ARHGAP23: variants seen among roughly 807,000 people sequenced by gnomAD.
The protein encoded by ARHGAP23 is Rho GTPase activating protein 23, also known as rho GTPase-activating protein 23.
A neutral mutation model predicts 136.3 loss-of-function variants in ARHGAP23; 34 were observed. The observed-to-expected ratio is 0.25, with a 90% CI of 0.19 to 0.33. ARHGAP23 has a LOEUF of 0.33. ARHGAP23 is among the 10% of genes least tolerant of loss of function. The probability of loss-of-function intolerance (pLI) is 1.00; values close to 1 mark genes in which losing one functional copy is unlikely to be tolerated. For synonymous variants in ARHGAP23, 832 were observed against 920.5 expected (o/e 0.90, Z 1.74); for missense variants, 1,808 against 2,139.0 (o/e 0.85, Z 3.05).
At chr17:38,486,232 CTTTTTT>C in intron 17 of ARHGAP23, 92 bp downstream of exon 17, 2 of 797,980 alleles carry the variant, frequency 2.5e-6, no homozygotes, top group East Asian at 3.1e-5. Flanking sequence ...TGGTTTTACT[CTTTTTT>C]TTTTTTTTTG....
Position 38,510,751 on chromosome 17 carries a change from T to C in ARHGAP23, c.4255T>C (p.Phe1419Leu). The C allele has an allele frequency of 1.3e-6, 2 of 1,484,678 alleles. No homozygotes were observed. Among genetic ancestry groups the C allele is most frequent in the Non-Finnish European group, 1.8e-6 (2 of 1,120,258 alleles). The allele number at this position is 1,484,678 out of a possible 1,614,324, so 92.0% of individuals were successfully genotyped here. Residue 1419 changes from phenylalanine to leucine, a missense_variant, in exon 24 of 24, where the codon TTC (phenylalanine) becomes CTC (leucine). Phe to Leu is a conservative substitution (Grantham distance 22, BLOSUM62 0). This residue lies in a region of ARHGAP23 where 506 missense variants were observed against 455.8 expected (regional missense o/e 1.11). Transcript: ENST00000622683. The surrounding 1 kb of genome is among the most constrained non-coding windows in gnomAD (Gnocchi z 4.6). ...GCAGAGCCCGCTGACTGACCTCAAC[T>C]TCAACGAGTGGAAGGAGCTGGGCGG... Reference protein sequence around the residue: ...VVQSPLTDLNFNEWKELGGGG... With the variant: ...VVQSPLTDLNLNEWKELGGGG...
intron 1 of ARHGAP23, among the ~76,000 whole-genome samples, chr17:38,420,906 C>T (rs955254040): frequency 6.6e-6 from 1 of 152,066 alleles, no homozygotes. Context: ...TTTTACGTTA[C>T]GTGAATTTCA....
intron 18 of ARHGAP23, 138 bp downstream of exon 18, chr17:38,490,313 C>T (rs2040247662): frequency 2.6e-6 from 3 of 1,132,660 alleles, no homozygotes; most frequent in Admixed American, 2.0e-5. Context: ...GCCTCAGTTT[C>T]CCCGTCCATA....
chr17:38,469,011 A>G (rs1442673060), intron 7 of ARHGAP23, 133 bp from the exon 8 acceptor site: 8 of 913,910 alleles, frequency 8.8e-6, no homozygotes, highest in Non-Finnish European at 1.1e-5. Flanking sequence ...GACAGTGGGC[A>G]TGTTGCCAGC....
At position 38,473,410 on chromosome 17, in the gene ARHGAP23, T is replaced by G. The variant is rs866301541; in HGVS notation, c.2118+1404T>G. Among the ~76,000 whole-genome samples the G allele has an allele frequency of 6.6e-5, 10 of 152,296 alleles. No individual in the cohort carries two copies. In the Middle Eastern group the frequency reaches 0.01, roughly 155 times the overall value. Reference sequence around the variant, plus strand: ...CCCACTTACCTTCCCTGAGCCTCACTTTCTGATCTGTACGATGGGAACAAT... The same window carrying G: ...CCCACTTACCTTCCCTGAGCCTCACGTTCTGATCTGTACGATGGGAACAAT... On this transcript the variant is annotated intron_variant, in intron 11 of 23. Transcript: ENST00000622683.
Position 38,462,876 on chromosome 17 carries a change from T to C in ARHGAP23, c.284T>C (p.Met95Thr), listed in dbSNP as rs1439107746. 2.6e-6 allele frequency: 4 copies of C among 1,531,570 alleles called. No homozygotes were observed. The highest frequency in any genetic ancestry group is 1.4e-5 in the African/African-American group (1 of 71,506). 94.9% of individuals were successfully genotyped at this position (1,531,570 alleles called of 1,614,324 possible). ...GPSPRYRLEP[M>T]DTIFVKNVKE... ...TCCCCCCGGTACCGCCTGGAGCCCA[T>C]GGACACCATCTTTGTCAAGAATGTG... Residue 95 changes from methionine to threonine, a missense_variant, in exon 4 of 24, where the codon ATG (methionine) becomes ACG (threonine). This residue lies in a region of ARHGAP23 where 859 missense variants were observed against 936.4 expected (regional missense o/e 0.92). Transcript: ENST00000622683.
chr17:38,427,804 T>C (rs2038591402), upstream of ARHGAP23, among the ~76,000 whole-genome samples: 1 of 152,214 alleles, frequency 6.6e-6, no homozygotes, highest in South Asian at 2.1e-4. Context: ...GCTGAGACTC[T>C]GGCTGGGAGG....
intron 22 of ARHGAP23, among the ~76,000 whole-genome samples, chr17:38,499,210 C>T (rs943911237): frequency 3.3e-5 from 5 of 152,250 alleles, no homozygotes; most frequent in Admixed American, 2.0e-4. Context: ...GAATTGCTGC[C>T]CTCCTGCAGT....
upstream of ARHGAP23, among the ~76,000 whole-genome samples, chr17:38,426,571 A>AAAAAAAAAAAAAAAAAAAAAC (rs1458643674): frequency 6.6e-6 from 1 of 150,726 alleles, no homozygotes; most frequent in Non-Finnish European, 1.5e-5. Context: ...AAAAAAAAAA[A>AAAAAAAAAAAAAAAAAAAAAC]ATCCAGGCAG....
chr17:38,505,318 T>C (rs903006010), intron 23 of ARHGAP23, among the ~76,000 whole-genome samples: 1 of 151,782 alleles, frequency 6.6e-6, no homozygotes, highest in African/African-American at 2.4e-5. Flanking sequence ...CTCCTTATCA[T>C]CTTAATTCCA....
At chr17:38,442,380 C>T (rs1264670765) in intron 1 of ARHGAP23, among the ~76,000 whole-genome samples, 1 of 152,160 alleles carries the variant, frequency 6.6e-6, no homozygotes, top group African/African-American at 2.4e-5. Flanking sequence ...TTCTGGTTAC[C>T]TCTAACTCTC....
At chr17:38,468,254 G>A (rs544451725) in intron 7 of ARHGAP23, among the ~76,000 whole-genome samples, 111 of 152,300 alleles carry the variant, frequency 7.3e-4, no homozygotes, top group African/African-American at 2.6e-3. Context: ...GAGAGCAGAG[G>A]GAACCCTCTA....
chr17:38,433,165 G>T (rs2038721612), intron 1 of ARHGAP23, among the ~76,000 whole-genome samples: 1 of 152,016 alleles, frequency 6.6e-6, no homozygotes, highest in African/African-American at 2.4e-5. Context: ...TTGCCATGTT[G>T]CCCAGGCTGG....
At chr17:38,478,998 A>G (rs1243914727) in intron 12 of ARHGAP23, among the ~76,000 whole-genome samples, 1 of 152,146 alleles carries the variant, frequency 6.6e-6, no homozygotes, top group Non-Finnish European at 1.5e-5. Context: ...TCCCCACTGC[A>G]GGGAGGAAGG....
intron 11 of ARHGAP23, among the ~76,000 whole-genome samples, chr17:38,472,720 C>T (rs1488453624): frequency 6.6e-6 from 1 of 152,054 alleles, no homozygotes; most frequent in Non-Finnish European, 1.5e-5. Context: ...TCCCTCCTGG[C>T]GATTAGGATG....
At chr17:38,447,445 A>AAAAAAG (rs2039060584) in intron 1 of ARHGAP23, among the ~76,000 whole-genome samples, 1 of 145,500 alleles carries the variant, frequency 6.9e-6, no homozygotes, top group Non-Finnish European at 1.5e-5. Flanking sequence ...CTGAAAAAAA[A>AAAAAAG]AAAAAAAAAA....
intron 1 of ARHGAP23, among the ~76,000 whole-genome samples, chr17:38,457,048 T>C (rs1308347558): frequency 6.6e-6 from 1 of 152,240 alleles, no homozygotes; most frequent in Non-Finnish European, 1.5e-5. Context: ...TAGCTGGGAT[T>C]ACAGGCGCCA....
intron 1 of ARHGAP23, among the ~76,000 whole-genome samples, chr17:38,432,756 G>A (rs1412414128): frequency 6.6e-6 from 1 of 152,082 alleles, no homozygotes; most frequent in Non-Finnish European, 1.5e-5. Flanking sequence ...TTGAGCTGGG[G>A]GGTTCGAGTC....
intron 1 of ARHGAP23, among the ~76,000 whole-genome samples, chr17:38,431,897 G>A (rs532493965): frequency 1.3e-5 from 2 of 152,292 alleles, no homozygotes; most frequent in Admixed American, 6.5e-5. Context: ...TCAGTGCAGG[G>A]TTCATGGACT....
Sources: gnomAD v4.1 joint callset for allele counts (sites outside exome capture counted in the v4.1 genomes callset) on GRCh38, gnomAD v4.1.1 for gene constraint, gnomAD v4.1.1 regional missense constraint, Gnocchi (gnomAD v3.1) non-coding constraint, MANE v1.5 for transcripts, NCBI Gene and HGNC (gene_info 2026-07-23, HGNC 2026-07-21) for gene names.